ASCC1: variants seen among roughly 807,000 people sequenced by gnomAD.
ASCC1 encodes ASC-1 complex subunit P50.
In ASCC1, 35 loss-of-function variants were observed where a neutral mutation model predicts 46.6. That is an observed-to-expected ratio of 0.75 (90% CI 0.57 to 0.99). The LOEUF (loss-of-function observed/expected upper bound fraction) is 0.99. ASCC1 is among the 50% of genes least tolerant of loss of function. The pLI is 0.00. For synonymous variants in ASCC1, 143 were observed against 146.6 expected (o/e 0.98, Z 0.18); for missense variants, 376 against 428.7 (o/e 0.88, Z 1.09).
At position 72,211,614 on chromosome 10, in the gene ASCC1, T is replaced by A. The variant is rs571158995; in HGVS notation, c.113-783A>T. Among the ~76,000 whole-genome samples the A allele has an allele frequency of 7.2e-5, 11 of 151,874 alleles. 1 individual carries two copies. The East Asian group carries it at 1.9e-3, about 27-fold the overall frequency. On this transcript the variant is annotated intron_variant, in intron 2 of 9. Transcript: ENST00000672957. ...ACGGCTGGGCACGGTGACTCATGCCTGTAATCCCAGCATCCTGGCTATCAC... is the reference window on the plus strand; with the variant it reads ...ACGGCTGGGCACGGTGACTCATGCCAGTAATCCCAGCATCCTGGCTATCAC...
chr10:72,141,041 A>ATAGAT (rs760301836), intron 7 of ASCC1, among the ~76,000 whole-genome samples: 1 of 79,220 alleles, frequency 1.3e-5, no homozygotes, highest in Non-Finnish European at 2.8e-5. Context: ...TTGTTTATAG[A>ATAGAT]TAGATAGATA....
intron 6 of ASCC1, among the ~76,000 whole-genome samples, chr10:72,159,898 AGTTT>A (rs1211832774): frequency 4.5e-4 from 67 of 149,142 alleles, no homozygotes; most frequent in African/African-American, 1.5e-3. Flanking sequence ...TGTATTACAC[AGTTT>A]CTTTTTTTTT....
At chr10:72,197,906 A>AAAATAAATAAAG (rs1554840416) in intron 4 of ASCC1, among the ~76,000 whole-genome samples, 1 of 139,940 alleles carries the variant, frequency 7.1e-6, no homozygotes, top group African/African-American at 3.1e-5. Context: ...ACCCTGTCTC[A>AAAATAAATAAAG]AAATAAATAA....
chr10:72,196,841 G>C lies in ASCC1; in HGVS notation c.459C>G (p.Phe153Leu), dbSNP rs1855505710. 6.2e-7 allele frequency: 1 copy of C among 1,612,948 alleles called. No individual in the cohort carries two copies. Among genetic ancestry groups the C allele is most frequent in the East Asian group, 2.2e-5 (1 of 44,884 alleles). The change falls in exon 5 of 10, where the codon TTC becomes TTG. Residue 153 changes from phenylalanine to leucine, a missense_variant. By Grantham distance (22) the Phe-to-Leu change is conservative. Coordinates refer to ENST00000672957, the MANE Select transcript of ASCC1 (RefSeq NM_001198800.3). ...AGCACTTCGCCAGTACTTCCTCCTGGAATCTCAGGAATCCTTCCTGAACCT... is the reference window on the plus strand; with the variant it reads ...AGCACTTCGCCAGTACTTCCTCCTGCAATCTCAGGAATCCTTCCTGAACCT... ...EVEVQEGFLR[F>L]QEEVLAKCSM...
At chr10:72,184,958 A>C (rs1853241433) in intron 5 of ASCC1, among the ~76,000 whole-genome samples, 1 of 152,234 alleles carries the variant, frequency 6.6e-6, no homozygotes, top group Non-Finnish European at 1.5e-5. Flanking sequence ...AAATAGACAA[A>C]ATATTTGAAC....
chr10:72,147,750 T>C (rs1847817192), intron 7 of ASCC1, among the ~76,000 whole-genome samples: 1 of 152,206 alleles, frequency 6.6e-6, no homozygotes, highest in Non-Finnish European at 1.5e-5. Context: ...GTATTTATCT[T>C]ACACAGATGT....
Position 72,196,880 on chromosome 10 carries a change from G to A in ASCC1, c.420C>T (p.Phe140=), listed in dbSNP as rs747955808. ...CTTCCTGAACCTCAACTTCATTGAG[G>A]AAAAAGGCAAGGAAGTGAGTGAAGG... ...KQPFTHFLAF[F]LNEVEVQEGF... Residue 140 remains phenylalanine (F), a synonymous_variant, in exon 5 of 10, where the codon TTC becomes TTT. Coordinates refer to ENST00000672957, the MANE Select transcript of ASCC1 (RefSeq NM_001198800.3). The A allele has an allele frequency of 1.7e-5, 27 of 1,613,504 alleles. No individual in the cohort carries two copies. Among genetic ancestry groups the A allele is most frequent in the Non-Finnish European group, 1.6e-5 (19 of 1,179,990 alleles).
intron 9 of ASCC1, among the ~76,000 whole-genome samples, chr10:72,109,058 C>T (rs1842646506): frequency 2.0e-5 from 3 of 152,190 alleles, no homozygotes; most frequent in African/African-American, 7.2e-5. Flanking sequence ...TAATCTGAAA[C>T]ATCAGACTGC....
In ASCC1 at chr10:72,203,507, C is replaced by A. The variant is rs777171569; in HGVS notation, c.230G>T (p.Arg77Ile). 2.5e-5 allele frequency: 40 copies of A among 1,609,704 alleles called. No homozygotes were observed. Among genetic ancestry groups the A allele is most frequent in the Non-Finnish European group, 3.0e-5 (35 of 1,176,532 alleles). ...SLLYKHIVGKRGDTRKKIEME... is the reference protein window; with the variant it reads ...SLLYKHIVGKIGDTRKKIEME... Reference sequence around the variant, plus strand: ...TTCTATTTTCTTCCTAGTGTCCCCTCTCTTTCCAACTATATGCCTGTAACA... The same window carrying A: ...TTCTATTTTCTTCCTAGTGTCCCCTATCTTTCCAACTATATGCCTGTAACA... The change falls in exon 4 of 10, where the codon AGA (arginine) becomes ATA (isoleucine). Residue 77 changes from arginine to isoleucine, a missense_variant. Coordinates refer to ENST00000672957, the MANE Select transcript of ASCC1 (RefSeq NM_001198800.3).
intron 5 of ASCC1, among the ~76,000 whole-genome samples, chr10:72,194,524 A>T (rs982792336): frequency 3.3e-5 from 5 of 151,948 alleles, no homozygotes; most frequent in Admixed American, 6.6e-5. Context: ...ATCCACATAT[A>T]CTGTTTTTTC....
intron 5 of ASCC1, among the ~76,000 whole-genome samples, chr10:72,169,137 C>T (rs1850738280): frequency 6.6e-6 from 1 of 152,224 alleles, no homozygotes; most frequent in African/African-American, 2.4e-5. Context: ...TATTTCAGGA[C>T]CTATTATTAA....
chr10:72,134,906 C>G (rs771705025), intron 7 of ASCC1, among the ~76,000 whole-genome samples: 5 of 152,174 alleles, frequency 3.3e-5, no homozygotes, highest in Non-Finnish European at 7.4e-5. Context: ...CAATTAGAGT[C>G]CTCTATCAGA....
At chr10:72,110,459 C>A (rs1161588275) in intron 9 of ASCC1, among the ~76,000 whole-genome samples, 1 of 152,228 alleles carries the variant, frequency 6.6e-6, no homozygotes, top group African/African-American at 2.4e-5. Flanking sequence ...ATCTCCACTC[C>A]AACTTCTCCA....
intron 6 of ASCC1, among the ~76,000 whole-genome samples, chr10:72,160,897 A>T (rs375528159): frequency 6.6e-6 from 1 of 151,724 alleles, no homozygotes; most frequent in Non-Finnish European, 1.5e-5. Context: ...TCCTGGCTAA[A>T]ATGGTGAAAC....
chr10:72,148,484 C>G (rs1254531249), intron 7 of ASCC1, among the ~76,000 whole-genome samples: 1 of 152,058 alleles, frequency 6.6e-6, no homozygotes, highest in African/African-American at 2.4e-5. Context: ...CAGACATTTT[C>G]TCAAAAGAGA....
At chr10:72,111,664 C>T (rs12264573) in intron 9 of ASCC1, among the ~76,000 whole-genome samples, 45 of 151,342 alleles carry the variant, frequency 3.0e-4, no homozygotes, top group African/African-American at 1.0e-3. Flanking sequence ...TTTTTGGAAA[C>T]GGAGTCTCTC....
At chr10:72,116,192 AAG>A (rs2132076752) in intron 9 of ASCC1, among the ~76,000 whole-genome samples, 1 of 152,378 alleles carries the variant, frequency 6.6e-6, no homozygotes, top group East Asian at 1.9e-4. Flanking sequence ...AAAATGTAAT[AAG>A]AATAGTAAAA....
chr10:72,126,617 C>T (rs1249128580), intron 9 of ASCC1, among the ~76,000 whole-genome samples: 1 of 152,168 alleles, frequency 6.6e-6, no homozygotes. Flanking sequence ...TCCATGAAAA[C>T]CCAGTTGGCT....
chr10:72,163,974 A>G (rs565182683), intron 5 of ASCC1, among the ~76,000 whole-genome samples: 1 of 151,908 alleles, frequency 6.6e-6, no homozygotes, highest in South Asian at 2.1e-4. Flanking sequence ...ATTTATTTTT[A>G]TTTTTTGTGA....
Sources: allele counts gnomAD v4.1 joint callset (sites outside exome capture counted in the v4.1 genomes callset), GRCh38; gene constraint gnomAD v4.1.1; transcripts MANE v1.5; gene names NCBI Gene and HGNC (gene_info 2026-07-23, HGNC 2026-07-21).